Variants in APCDD1 observed in about 807,000 individuals in gnomAD.
APCDD1 encodes APC down-regulated 1, also known as protein APCDD1.
In APCDD1, 15 loss-of-function variants were observed where a neutral mutation model predicts 38.1. That is an observed-to-expected ratio of 0.39 (90% CI 0.26 to 0.61). The LOEUF (loss-of-function observed/expected upper bound fraction) is 0.61, where lower values mean the gene tolerates loss of function less well. APCDD1 is among the 20% of genes least tolerant of loss of function. The pLI, the probability that APCDD1 is intolerant of heterozygous loss-of-function variation, is 0.49. For missense variants in APCDD1, 647 were observed against 696.2 expected (o/e 0.93, Z 0.79); for synonymous variants, 261 against 279.7 (o/e 0.93, Z 0.67).
rs1165828205 is a variant in APCDD1 at position 10,471,498 on chromosome 18, C to T, written c.243-32C>T. 6.2e-7 allele frequency: 1 copy of T among 1,613,742 alleles called. No individual in the cohort carries two copies. Among genetic ancestry groups the T allele is most frequent in the East Asian group, 2.2e-5 (1 of 44,882 alleles). ...TCTCTTTCCCATACCTTCAGGCTTA[C>T]AAAGGTCTCTTCTTCCCCTTTTCTT... On this transcript the variant is annotated intron_variant, in intron 2 of 4. Transcript: ENST00000355285. This position sits in a 1 kb window ranked among gnomAD's most constrained non-coding sequence, Gnocchi z 5.5.
At position 10,471,516 on chromosome 18, in the gene APCDD1, C is replaced by G; in HGVS notation, c.243-14C>G. ...AGGCTTACAAAGGTCTCTTCTTCCCCTTTTCTTGCCCAGCTGTGAAGTAAG... is the reference window on the plus strand; with the variant it reads ...AGGCTTACAAAGGTCTCTTCTTCCCGTTTTCTTGCCCAGCTGTGAAGTAAG... On this transcript the variant is annotated splice_polypyrimidine_tract_variant and intron_variant, in intron 2 of 4. Transcript: ENST00000355285. The surrounding 1 kb of genome is among the most constrained non-coding windows in gnomAD (Gnocchi z 5.5). 6.2e-7 allele frequency: 1 copy of G among 1,614,202 alleles called. No individual in the cohort carries two copies. The highest frequency in any genetic ancestry group is 1.1e-5 in the South Asian group (1 of 91,080).
In APCDD1 at chr18:10,470,421, C is replaced by T. The variant is rs1040089942; in HGVS notation, c.243-1109C>T. On this transcript the variant is annotated intron_variant, in intron 2 of 4. Transcript: ENST00000355285. This position sits in a 1 kb window ranked among gnomAD's most constrained non-coding sequence, Gnocchi z 4.1. Reference sequence around the variant, plus strand: ...ATGTTACTCGACATCAGTTGTCAAACGTTACATAGCAACGGTACCCCTGTC... The same window carrying T: ...ATGTTACTCGACATCAGTTGTCAAATGTTACATAGCAACGGTACCCCTGTC... Among the ~76,000 whole-genome samples, 13 of 152,148 alleles carry T rather than the reference C, an allele frequency of 8.5e-5. No individual in the cohort carries two copies. Among genetic ancestry groups the T allele is most frequent in the African/African-American group, 2.4e-4 (10 of 41,420 alleles).
rs993212286 is a variant in APCDD1, at chr18:10,472,650, C to T, written c.774+589C>T. Among the ~76,000 whole-genome samples the T allele has an allele frequency of 6.6e-6, 1 of 152,142 alleles. No homozygotes were observed. Among genetic ancestry groups the T allele is most frequent in the East Asian group, 1.9e-4 (1 of 5,192 alleles). ...CCAGGCCACGCGGCTACTGAGTTTT[C>T]CTGCTGGACCATGAGTCCAAAGGTC... is the stretch of plus-strand genomic sequence containing the variant. On this transcript the variant is annotated intron_variant, in intron 3 of 4. Coordinates refer to ENST00000355285, the MANE Select transcript of APCDD1 (RefSeq NM_153000.5). The surrounding 1 kb of genome is among the most constrained non-coding windows in gnomAD (Gnocchi z 6.6).
In APCDD1 at chr18:10,489,601, A is replaced by C. The variant is rs2031326464; in HGVS notation, c.*1563A>C. 1 of 152,048 alleles carries C rather than the reference A, an allele frequency of 6.6e-6. No individual in the cohort carries two copies. The highest frequency in any genetic ancestry group is 1.5e-5 in the Non-Finnish European group (1 of 68,046). 9.4% of individuals were successfully genotyped at this position (152,048 alleles called of 1,614,324 possible). The stretch of plus-strand genomic sequence containing the variant: ...GTAGTCCCAGCTACTCGGGAGGCTG[A>C]GGCAGGAGAATGGCATGAACCTGGG... On this transcript the variant is annotated 3_prime_UTR_variant, in exon 5 of 5. Coordinates refer to ENST00000355285, the MANE Select transcript of APCDD1 (RefSeq NM_153000.5).
At chr18:10,468,388 T>G in intron 1 of APCDD1, 81 bp from the exon 2 acceptor site, 2 of 1,432,822 alleles carry the variant, frequency 1.4e-6, no homozygotes, top group Non-Finnish European at 2.0e-6. Flanking sequence ...AGCCACTGTC[T>G]GCTGCAGAGG....
intron 3 of APCDD1, chr18:10,477,490 CATT>C (rs1475143355): frequency 6.6e-6 from 1 of 152,124 alleles, no homozygotes; most frequent in Non-Finnish European, 1.5e-5. Flanking sequence ...AGAAACAGCT[CATT>C]ATATTTCTTG....
At chr18:10,455,238 C>T (rs1306710363) in intron 1 of APCDD1, among the ~76,000 whole-genome samples, 199 bp downstream of exon 1, 1 of 152,182 alleles carries the variant, frequency 6.6e-6, no homozygotes, top group Non-Finnish European at 1.5e-5. Context: ...CTTGGGACCG[C>T]TCTCCCCCAG....
At chr18:10,474,530 C>G (rs1025614688) in intron 3 of APCDD1, among the ~76,000 whole-genome samples, 12 of 152,226 alleles carry the variant, frequency 7.9e-5, no homozygotes, top group African/African-American at 2.4e-4. Flanking sequence ...CCGAACCCGA[C>G]CTTGGACTAG....
chr18:10,457,933 T>G (rs1284022256), intron 1 of APCDD1, among the ~76,000 whole-genome samples: 1 of 152,240 alleles, frequency 6.6e-6, no homozygotes, highest in Non-Finnish European at 1.5e-5. Flanking sequence ...TCAGTTTTAC[T>G]TTCCTCCTCT....
In APCDD1 at chr18:10,472,143, C is replaced by T. The variant is rs1452526129; in HGVS notation, c.774+82C>T. On this transcript the variant is annotated intron_variant, in intron 3 of 4. Coordinates refer to ENST00000355285, the MANE Select transcript of APCDD1 (RefSeq NM_153000.5). This position sits in a 1 kb window ranked among gnomAD's most constrained non-coding sequence, Gnocchi z 6.6. The stretch of plus-strand genomic sequence containing the variant: ...AAGGCTTGCCATGGGGGCTCTAGGG[C>T]ACCCTTGAAAGGGGGAATTCTGCAT... 1 of 1,585,880 alleles carries T rather than the reference C, an allele frequency of 6.3e-7. No homozygotes were observed. Among genetic ancestry groups the T allele is most frequent in the African/African-American group, 1.3e-5 (1 of 74,390 alleles).
chr18:10,457,920 A>G (rs888716830), intron 1 of APCDD1, among the ~76,000 whole-genome samples: 6 of 152,222 alleles, frequency 3.9e-5, no homozygotes, highest in East Asian at 1.9e-4. Context: ...AAAAGTATAC[A>G]TGTCAGTTTT....
At chr18:10,461,601 C>T (rs762479982) in intron 1 of APCDD1, among the ~76,000 whole-genome samples, 12 of 151,966 alleles carry the variant, frequency 7.9e-5, no homozygotes, top group Admixed American at 2.6e-4. Flanking sequence ...AGTGAATTGT[C>T]GAGTGTAATG....
intron 4 of APCDD1, among the ~76,000 whole-genome samples, chr18:10,486,088 A>T (rs957344108): frequency 5.3e-5 from 8 of 152,222 alleles, no homozygotes; most frequent in African/African-American, 1.9e-4. Context: ...GCGGAGGCTC[A>T]TGCCTGTAAT....
Position 10,472,660 on chromosome 18 carries a change from C to T in APCDD1, c.774+599C>T, listed in dbSNP as rs920563085. Among the ~76,000 whole-genome samples the T allele has an allele frequency of 3.3e-5, 5 of 152,170 alleles. No individual in the cohort carries two copies. The highest frequency in any genetic ancestry group is 1.2e-4 in the African/African-American group (5 of 41,426). Reference sequence around the variant, plus strand: ...CGGCTACTGAGTTTTCCTGCTGGACCATGAGTCCAAAGGTCCTTCCTCCAT... The same window carrying T: ...CGGCTACTGAGTTTTCCTGCTGGACTATGAGTCCAAAGGTCCTTCCTCCAT... On this transcript the variant is annotated intron_variant, in intron 3 of 4. Coordinates refer to ENST00000355285, the MANE Select transcript of APCDD1 (RefSeq NM_153000.5). The surrounding 1 kb of genome is among the most constrained non-coding windows in gnomAD (Gnocchi z 6.6).
chr18:10,459,630 A>G (rs2030479022), intron 1 of APCDD1, among the ~76,000 whole-genome samples: 2 of 152,238 alleles, frequency 1.3e-5, no homozygotes, highest in Admixed American at 6.5e-5. Flanking sequence ...CAAGAACTTG[A>G]TAAGCAGAAG....
intron 3 of APCDD1, among the ~76,000 whole-genome samples, chr18:10,483,958 G>A (rs1483421984): frequency 5.3e-5 from 8 of 152,224 alleles, no homozygotes; most frequent in Admixed American, 3.3e-4. Flanking sequence ...TGAAGACCTT[G>A]GTCAGACAGC....
chr18:10,462,211 T>C (rs2030563925), intron 1 of APCDD1, among the ~76,000 whole-genome samples: 1 of 152,220 alleles, frequency 6.6e-6, no homozygotes, highest in Non-Finnish European at 1.5e-5. Flanking sequence ...TTTATTATTA[T>C]AAATAATAGG....
At chr18:10,465,183 C>T (rs924008510) in intron 1 of APCDD1, among the ~76,000 whole-genome samples, 1 of 152,192 alleles carries the variant, frequency 6.6e-6, no homozygotes, top group African/African-American at 2.4e-5. Context: ...AGGCCGTGTG[C>T]ATCTCACAAT....
chr18:10,485,751 G>A lies in APCDD1; in HGVS notation c.1064G>A (p.Arg355Lys). Reference sequence around the variant, plus strand: ...TACAGCCGCGGCGTCCTCTCGTCCAGGGTCATGGGAGGCACCGAGTTCGTG... The same window carrying A: ...TACAGCCGCGGCGTCCTCTCGTCCAAGGTCATGGGAGGCACCGAGTTCGTG... ...GRYSRGVLSS[R>K]VMGGTEFVFK... Residue 355 changes from arginine to lysine, a missense_variant, in exon 4 of 5, where the codon AGG becomes AAG. By Grantham distance (26) the Arg-to-Lys change is conservative (BLOSUM62 2). Transcript: ENST00000355285. This position sits in a 1 kb window ranked among gnomAD's most constrained non-coding sequence, Gnocchi z 5.8. 6.2e-7 allele frequency: 1 copy of A among 1,613,756 alleles called. No homozygotes were observed. Among genetic ancestry groups the A allele is most frequent in the Non-Finnish European group, 8.5e-7 (1 of 1,180,040 alleles).
Sources: gnomAD v4.1 joint callset for allele counts (sites outside exome capture counted in the v4.1 genomes callset) on GRCh38, gnomAD v4.1.1 for gene constraint, Gnocchi (gnomAD v3.1) non-coding constraint, MANE v1.5 for transcripts, NCBI Gene and HGNC (gene_info 2026-07-23, HGNC 2026-07-21) for gene names.